The following PSD3 variants were observed in gnomAD, a reference collection of about 807,000 sequenced individuals.
PSD3 encodes the protein PH and SEC7 domain-containing protein 3.
PSD3 carries 49 observed loss-of-function variants against 105.5 expected under a neutral mutation model. That is an observed-to-expected ratio of 0.46 (90% CI 0.37 to 0.59). The LOEUF is 0.59. PSD3 is among the 20% of genes least tolerant of loss of function. The pLI is 0.00. For missense variants in PSD3, 1,561 were observed against 1,263.8 expected (o/e 1.24, Z -3.57); for synonymous variants, 557 against 457.8 (o/e 1.22, Z -2.77).
chr8:18,632,688 G>A lies in PSD3; in HGVS notation c.2335C>T (p.His779Tyr), dbSNP rs765421347. 4.3e-6 allele frequency: 7 copies of A among 1,612,780 alleles called. No individual in the cohort carries two copies. The highest frequency in any genetic ancestry group is 5.9e-6 in the Non-Finnish European group (7 of 1,179,124). Residue 779 changes from histidine to tyrosine, a missense_variant, in exon 11 of 16, where the codon CAT becomes TAT. Coordinates refer to ENST00000327040, the MANE Select transcript of PSD3 (RefSeq NM_015310.4). ...STTNPFLDIP[H>Y]DPNAAVYKSG... ...TTGTACACAGCAGCATTTGGATCAT[G>A]AGGAATGTCCAAAAATGGGTTAGTA...
rs774525956 is a variant in PSD3 at position 18,867,769 on chromosome 8, G to A, written c.1539C>T (p.Ile513=). The part of the protein sequence containing the change: ...DILSVSADGG[I]VMGYSSGVTN... ...TGACGCCACTAGAATAGCCCATCACGATGCCACCATCTGCAGACACACTCA... is the reference window on the plus strand; with the variant it reads ...TGACGCCACTAGAATAGCCCATCACAATGCCACCATCTGCAGACACACTCA... The change falls in exon 4 of 16, where the codon ATC becomes ATT. Residue 513 remains isoleucine, a synonymous_variant. Transcript: ENST00000327040. 18 of 1,613,900 alleles carry A rather than the reference G, an allele frequency of 1.1e-5. No homozygotes were observed. The highest frequency in any genetic ancestry group is 6.7e-5 in the East Asian group (3 of 44,862).
At chr8:18,971,547 G>C (rs76480007) in intron 1 of PSD3, among the ~76,000 whole-genome samples, 19,984 of 152,198 alleles carry the variant, frequency 0.13, 1,432 homozygotes, top group Non-Finnish European at 0.17. Context: ...CAGAGGTAGG[G>C]GAATGAGGCT....
intron 4 of PSD3, among the ~76,000 whole-genome samples, chr8:18,821,733 T>C (rs1812741207): frequency 1.7e-5 from 1 of 58,320 alleles, no homozygotes; most frequent in Non-Finnish European, 3.7e-5. Context: ...ATAACAAAGC[T>C]CCAATTCCAG....
chr8:18,583,606 T>C lies in PSD3; in HGVS notation c.2482-8321A>G, dbSNP rs545306341. ...ATCACATCTAAGTATCCATACACGT[T>C]TGTCTCTGAGTTCCCTTATATGACT... On this transcript the variant is annotated intron_variant, in intron 12 of 15. Coordinates refer to ENST00000327040, the MANE Select transcript of PSD3 (RefSeq NM_015310.4). 7.2e-4 allele frequency among the ~76,000 whole-genome samples: 110 copies of C among 152,296 alleles called. 1 individual carries two copies. The highest frequency in any genetic ancestry group is 2.5e-3 in the African/African-American group (105 of 41,560).
At chr8:19,078,147 C>A (rs767359958) in intron 1 of PSD3, among the ~76,000 whole-genome samples, 2 of 152,118 alleles carry the variant, frequency 1.3e-5, no homozygotes, top group Admixed American at 6.5e-5. Flanking sequence ...ATTCCTTCCT[C>A]GGCCTCCCAA....
At chr8:19,009,030 A>G (rs1258982464) in intron 1 of PSD3, among the ~76,000 whole-genome samples, 1 of 152,250 alleles carries the variant, frequency 6.6e-6, no homozygotes, top group Non-Finnish European at 1.5e-5. Flanking sequence ...AAATTAAAAT[A>G]CATTCCATTT....
chr8:18,899,835 G>A (rs920967952), intron 2 of PSD3, among the ~76,000 whole-genome samples: 2 of 152,090 alleles, frequency 1.3e-5, no homozygotes, highest in African/African-American at 4.8e-5. Flanking sequence ...TCAAGGCTCA[G>A]GGGTTAGAAA....
At chr8:18,949,504 T>A (rs1823108082) in intron 1 of PSD3, among the ~76,000 whole-genome samples, 1 of 151,878 alleles carries the variant, frequency 6.6e-6, no homozygotes, top group Non-Finnish European at 1.5e-5. Context: ...TTGCATTAAT[T>A]TCTGTAAGAA....
At chr8:18,750,884 C>T (rs545000538) in intron 9 of PSD3, among the ~76,000 whole-genome samples, 9 of 152,126 alleles carry the variant, frequency 5.9e-5, no homozygotes, top group African/African-American at 9.7e-5. Flanking sequence ...AAACCTTGAG[C>T]TAGATACAGA....
intron 2 of PSD3, chr8:18,924,469 A>G (rs1294062198): frequency 1.3e-5 from 2 of 152,244 alleles, no homozygotes; most frequent in Non-Finnish European, 2.9e-5. Flanking sequence ...ACTAGCCACA[A>G]AATTATAAAC....
chr8:18,591,688 G>A (rs981794038), intron 12 of PSD3, among the ~76,000 whole-genome samples: 4 of 152,136 alleles, frequency 2.6e-5, no homozygotes, highest in East Asian at 3.9e-4. Context: ...AGAGAGAGAG[G>A]AGCAGAGTAT....
intron 1 of PSD3, among the ~76,000 whole-genome samples, chr8:19,003,255 C>T (rs1022286175): frequency 9.2e-5 from 14 of 151,934 alleles, no homozygotes; most frequent in African/African-American, 3.4e-4. Context: ...CCTGTAGTTC[C>T]AGCTATTTGG....
At chr8:18,596,464 T>C (rs899704723) in intron 12 of PSD3, among the ~76,000 whole-genome samples, 5 of 150,416 alleles carry the variant, frequency 3.3e-5, no homozygotes, top group African/African-American at 7.3e-5. Context: ...CAGAAATAAA[T>C]GAAATAGAGA....
intron 9 of PSD3, among the ~76,000 whole-genome samples, chr8:18,749,461 A>G (rs991570708): frequency 6.6e-6 from 1 of 152,250 alleles, no homozygotes; most frequent in Non-Finnish European, 1.5e-5. Flanking sequence ...GATTTTAAAG[A>G]TGCTGGCCCC....
At chr8:18,636,816 C>T (rs1807288528) in intron 10 of PSD3, among the ~76,000 whole-genome samples, 1 of 152,146 alleles carries the variant, frequency 6.6e-6, no homozygotes, top group Non-Finnish European at 1.5e-5. Context: ...TAGGCTATAC[C>T]ATATAGTACA....
chr8:18,689,693 T>C (rs1458850257), intron 9 of PSD3, among the ~76,000 whole-genome samples: 4 of 152,220 alleles, frequency 2.6e-5, no homozygotes, highest in Non-Finnish European at 5.9e-5. Context: ...TGACAGAGGC[T>C]GATTTGGGAG....
chr8:18,753,046 T>A (rs1030364398), intron 9 of PSD3, among the ~76,000 whole-genome samples: 2 of 151,904 alleles, frequency 1.3e-5, no homozygotes, highest in Non-Finnish European at 2.9e-5. Context: ...TGTGAAGGTA[T>A]CAGGATTTTT....
chr8:18,818,449 T>C (rs1176838095), intron 4 of PSD3, among the ~76,000 whole-genome samples: 1 of 151,710 alleles, frequency 6.6e-6, no homozygotes, highest in Non-Finnish European at 1.5e-5. Flanking sequence ...GCGAGGAGGG[T>C]GAGCGCTGTG....
At chr8:18,870,466 T>C (rs1401426337) in intron 3 of PSD3, among the ~76,000 whole-genome samples, 1 of 151,746 alleles carries the variant, frequency 6.6e-6, no homozygotes, top group African/African-American at 2.4e-5. Flanking sequence ...ATCTCATAAG[T>C]AGGAGTTAAA....
Sources: allele counts gnomAD v4.1 joint callset (sites outside exome capture counted in the v4.1 genomes callset), GRCh38; gene constraint gnomAD v4.1.1; transcripts MANE v1.5; gene names NCBI Gene and HGNC (gene_info 2026-07-23, HGNC 2026-07-21).